The following UNC79 variants were observed in gnomAD, a reference collection of about 807,000 sequenced individuals.
UNC79 encodes protein unc-79 homolog.
UNC79 carries 37 observed loss-of-function variants against 283.1 expected under a neutral mutation model. That is an observed-to-expected ratio of 0.13 (90% confidence interval 0.10 to 0.17). The LOEUF is 0.17. UNC79 is among the 10% of genes least tolerant of loss of function. The pLI, the probability that UNC79 is intolerant of heterozygous loss-of-function variation, is 1.00. For missense variants in UNC79, 2,272 were observed against 3,211.1 expected (o/e 0.71, Z 7.07); for synonymous variants, 1,107 against 1,200.2 (o/e 0.92, Z 1.61).
rs538003104 is a variant in UNC79, at chr14:93,487,962, C to T, written c.712+207C>T. On this transcript the variant is annotated intron_variant, in intron 5 of 48. Transcript: ENST00000555664. Reference sequence around the variant, plus strand: ...GTGATATTTTTAGAATATTTGAGGACACAATTTTAGACATTGACTGGAAAT... The same window carrying T: ...GTGATATTTTTAGAATATTTGAGGATACAATTTTAGACATTGACTGGAAAT... Among the ~76,000 whole-genome samples the T allele has an allele frequency of 2.0e-3, 309 of 152,196 alleles. 1 individual carries two copies. The highest frequency in any genetic ancestry group is 3.1e-3 in the Non-Finnish European group (208 of 68,014).
At chr14:93,403,722 T>G (rs1364763308) in intron 1 of UNC79, among the ~76,000 whole-genome samples, 1 of 152,180 alleles carries the variant, frequency 6.6e-6, no homozygotes, top group African/African-American at 2.4e-5. Context: ...AAAATTTTTT[T>G]TTATCAACCA....
chr14:93,417,192 C>T (rs962866312), intron 1 of UNC79, among the ~76,000 whole-genome samples: 3 of 151,922 alleles, frequency 2.0e-5, no homozygotes, highest in Non-Finnish European at 4.4e-5. Flanking sequence ...GTGCTTCCTT[C>T]AGGAGCTCTT....
At chr14:93,680,583 C>CTATTTATT (rs150467251) in intron 41 of UNC79, among the ~76,000 whole-genome samples, 71 of 152,006 alleles carry the variant, frequency 4.7e-4, no homozygotes, top group African/African-American at 1.4e-3. Flanking sequence ...ACTTAGATAG[C>CTATTTATT]TATTTATTTA....
intron 1 of UNC79, among the ~76,000 whole-genome samples, chr14:93,422,643 C>A (rs143578836): frequency 2.6e-5 from 4 of 152,116 alleles, no homozygotes; most frequent in Non-Finnish European, 5.9e-5. Context: ...AAGGAACATA[C>A]CTCGATATAA....
chr14:93,372,627 A>G (rs896968325), intron 1 of UNC79, among the ~76,000 whole-genome samples: 3 of 152,226 alleles, frequency 2.0e-5, no homozygotes, highest in African/African-American at 7.2e-5. Context: ...ACAATCCTCA[A>G]TGTGTTTAAG....
chr14:93,665,145 A>C (rs2072039716), intron 40 of UNC79, among the ~76,000 whole-genome samples: 3 of 149,944 alleles, frequency 2.0e-5, no homozygotes, highest in Admixed American at 6.6e-5. Flanking sequence ...TATAATAAAA[A>C]TATAAATCTA....
intron 11 of UNC79, among the ~76,000 whole-genome samples, chr14:93,536,881 A>G (rs746935162): frequency 2.8e-5 from 4 of 143,960 alleles, no homozygotes; most frequent in Non-Finnish European, 6.0e-5. Context: ...AGCCCTTGCT[A>G]TCATTTTTTT....
Position 93,531,364 on chromosome 14 carries a change from G to A in UNC79, c.1094-1186G>A, listed in dbSNP as rs2060815499. ...TTACCTTTGATCTTTTAAATAAATT[G>A]TAACATAGACTATAAATAAGGTGTT... On this transcript the variant is annotated intron_variant, in intron 10 of 48. Transcript: ENST00000555664. The surrounding 1 kb of genome is among the most constrained non-coding windows in gnomAD (Gnocchi z 4.2). 6.6e-6 allele frequency among the ~76,000 whole-genome samples: 1 copy of A among 152,112 alleles called. No homozygotes were observed. The highest frequency in any genetic ancestry group is 2.4e-5 in the African/African-American group (1 of 41,426).
intron 1 of UNC79, among the ~76,000 whole-genome samples, chr14:93,450,112 G>T (rs1241717561): frequency 6.6e-6 from 1 of 152,164 alleles, no homozygotes; most frequent in African/African-American, 2.4e-5. Flanking sequence ...CCCAGTTGAG[G>T]CTTTGCAGTG....
chr14:93,702,928 T>A (rs1355617644), intron 47 of UNC79, among the ~76,000 whole-genome samples: 1 of 152,246 alleles, frequency 6.6e-6, no homozygotes, highest in Non-Finnish European at 1.5e-5. Context: ...TGCAGGCTGC[T>A]GCCACGGTGA....
chr14:93,352,563 G>A lies in UNC79; in HGVS notation c.-351+19040G>A, dbSNP rs573345574. ...GTCTCATTAATTTTACACTCATAAA[G>A]GTGTCACATTCAAGGTACAGTTTGT... On this transcript the variant is annotated intron_variant, in intron 1 of 49. Coordinates refer to the UNC79 transcript ENST00000256339. Among the ~76,000 whole-genome samples, 6 of 152,206 alleles carry A rather than the reference G, an allele frequency of 3.9e-5. No individual in the cohort carries two copies. In the East Asian group the frequency reaches 1.2e-3, roughly 29 times the overall value.
intron 1 of UNC79, among the ~76,000 whole-genome samples, chr14:93,379,054 T>C (rs1220957864): frequency 6.6e-6 from 1 of 151,798 alleles, no homozygotes; most frequent in Non-Finnish European, 1.5e-5. Flanking sequence ...TATAAGAGAG[T>C]CAAGTTAACA....
chr14:93,447,103 C>T (rs991300293), intron 1 of UNC79, among the ~76,000 whole-genome samples: 2 of 152,048 alleles, frequency 1.3e-5, no homozygotes, highest in Non-Finnish European at 2.9e-5. Context: ...CTGTTGAATA[C>T]CCCTTTTATT....
intron 1 of UNC79, among the ~76,000 whole-genome samples, chr14:93,371,500 G>T (rs1351476126): frequency 2.0e-5 from 3 of 152,080 alleles, no homozygotes; most frequent in African/African-American, 7.2e-5. Flanking sequence ...AAAAATTCCT[G>T]AAGGAAACCA....
intron 22 of UNC79, among the ~76,000 whole-genome samples, chr14:93,590,155 G>A (rs927796608): frequency 4.6e-5 from 7 of 152,062 alleles, no homozygotes; most frequent in Non-Finnish European, 7.4e-5. Flanking sequence ...TTTAGGACCC[G>A]CTCTATCCAG....
At chr14:93,655,186 T>C in intron 37 of UNC79, 48 bp from the exon 41 acceptor site, 1 of 1,598,664 alleles carries the variant, frequency 6.3e-7, no homozygotes, top group Non-Finnish European at 8.5e-7. Flanking sequence ...GCGCTATGCA[T>C]TCCCGTGCTG....
At chr14:93,438,660 G>A (rs985105720) in intron 1 of UNC79, among the ~76,000 whole-genome samples, 7 of 142,936 alleles carry the variant, frequency 4.9e-5, no homozygotes, top group Admixed American at 2.0e-4. Context: ...TTTCTTTTAC[G>A]TTCTTTTTTT....
intron 44 of UNC79, 184 bp downstream of exon 47, chr14:93,689,024 A>G (rs1005879521): frequency 3.4e-6 from 2 of 582,470 alleles, no homozygotes; most frequent in Admixed American, 3.8e-5. Context: ...GCTCTTTGAC[A>G]TGCTGCCAAA....
intron 1 of UNC79, among the ~76,000 whole-genome samples, chr14:93,343,039 A>G (rs1273901688): frequency 6.6e-6 from 1 of 152,210 alleles, no homozygotes; most frequent in Non-Finnish European, 1.5e-5. Context: ...GGAAGTTCCA[A>G]ACTTTCCCAC....
Sources: allele counts gnomAD v4.1 joint callset (sites outside exome capture counted in the v4.1 genomes callset), GRCh38; gene constraint gnomAD v4.1.1; non-coding constraint Gnocchi (gnomAD v3.1); transcripts MANE v1.5; gene names NCBI Gene and HGNC (gene_info 2026-07-23, HGNC 2026-07-21).